The following IQCJ variants were observed in gnomAD, a reference collection of about 807,000 sequenced individuals.
IQCJ encodes the protein IQ domain-containing protein J.
Under a neutral mutation model 11.0 loss-of-function variants are expected in IQCJ, and 9 were observed. The observed-to-expected ratio is 0.82, with a 90% CI of 0.49 to 1.43. The LOEUF is 1.43. Ranked by LOEUF, IQCJ falls within the 40% of genes most tolerant of loss-of-function variation. IQCJ has a pLI of 0.00. For missense variants in IQCJ, 146 were observed against 133.2 expected, an observed-to-expected ratio of 1.10 and a Z score of -0.47; for synonymous variants, 55 against 51.3, an observed-to-expected ratio of 1.07 and a Z score of -0.31.
chr3:159,072,526 A>G (rs1011791388), intron 1 of IQCJ, among the ~76,000 whole-genome samples: 1 of 152,138 alleles, frequency 6.6e-6, no homozygotes, highest in Non-Finnish European at 1.5e-5. Context: ...CAAAATTAAT[A>G]TTCACTAACC....
intron 1 of IQCJ, among the ~76,000 whole-genome samples, chr3:159,202,065 G>T (rs58290749): frequency 0.15 from 23,511 of 152,048 alleles, 2,096 homozygotes; most frequent in Admixed American, 0.21. Context: ...ACTTCTTATT[G>T]GTTGAGTCCA....
chr3:159,132,927 T>TCTTTCTTTG (rs1264902624), intron 1 of IQCJ, among the ~76,000 whole-genome samples: 1 of 122,954 alleles, frequency 8.1e-6, no homozygotes, highest in Non-Finnish European at 1.9e-5. Context: ...TTGCTTGCTT[T>TCTTTCTTTG]CTTTCTTTGC....
chr3:159,262,746 G>T lies in IQCJ; in HGVS notation c.*15G>T, dbSNP rs376824973. The T allele has an allele frequency of 8.1e-6, 13 of 1,606,536 alleles. No individual in the cohort carries two copies. The highest frequency in any genetic ancestry group is 1.7e-4 in the Middle Eastern group (1 of 6,060). ...CATTCAACTGAAAGCCTAGACTTTG[G>T]TTCTAAGAGAGAAATCTTGGGATGT... is the stretch of plus-strand genomic sequence containing the variant. On this transcript the variant is annotated 3_prime_UTR_variant, in exon 4 of 4. Transcript: ENST00000397832.
At chr3:159,224,723 T>C (rs572463956) in intron 1 of IQCJ, among the ~76,000 whole-genome samples, 13 of 143,602 alleles carry the variant, frequency 9.1e-5, no homozygotes, top group Admixed American at 4.8e-4. Flanking sequence ...CTTGTTGAAC[T>C]TCACCATGAG....
chr3:159,186,847 A>C (rs1242382484), intron 1 of IQCJ, among the ~76,000 whole-genome samples: 1 of 152,230 alleles, frequency 6.6e-6, no homozygotes, highest in Non-Finnish European at 1.5e-5. Context: ...TGGTGAGAGA[A>C]AACGGGATGT....
intron 1 of IQCJ, among the ~76,000 whole-genome samples, chr3:159,228,608 G>C (rs938730814): frequency 6.6e-6 from 1 of 151,976 alleles, no homozygotes; most frequent in African/African-American, 2.4e-5. Flanking sequence ...GGCTAAAAAC[G>C]GTGAAACCTC....
At position 159,263,131 on chromosome 3, in the gene IQCJ, A is replaced by G. The variant is rs1049266596; in HGVS notation, c.*400A>G. The G allele has an allele frequency of 2.0e-5, 19 of 934,194 alleles. No individual in the cohort carries two copies. Among genetic ancestry groups the G allele is most frequent in the Non-Finnish European group, 2.4e-5 (19 of 781,816 alleles). 57.9% of individuals were successfully genotyped at this position (934,194 alleles called of 1,614,324 possible). ...TGCAACTTAAATGTCTCCAGGGGCC[A>G]GGTAAGTCACCCTCATGACTGAGGT... is the stretch of plus-strand genomic sequence containing the variant. On this transcript the variant is annotated 3_prime_UTR_variant, in exon 4 of 4. Coordinates refer to ENST00000397832, the MANE Select transcript of IQCJ (RefSeq NM_001042706.3).
intron 1 of IQCJ, among the ~76,000 whole-genome samples, chr3:159,141,710 ATAAG>A (rs1178880479): frequency 6.6e-6 from 1 of 152,204 alleles, no homozygotes; most frequent in Non-Finnish European, 1.5e-5. Flanking sequence ...TATGATTTTG[ATAAG>A]TAAGTTACTT....
chr3:159,218,381 A>G (rs1166507136), intron 1 of IQCJ, among the ~76,000 whole-genome samples: 1 of 150,960 alleles, frequency 6.6e-6, no homozygotes, highest in Admixed American at 6.6e-5. Flanking sequence ...ATAAGAGAAA[A>G]AGAAACATAT....
chr3:159,248,926 G>A (rs1000365631), intron 2 of IQCJ, among the ~76,000 whole-genome samples: 1 of 150,870 alleles, frequency 6.6e-6, no homozygotes, highest in Non-Finnish European at 1.5e-5. Flanking sequence ...GTGTGATCTT[G>A]GCTCACTGCA....
intron 1 of IQCJ, among the ~76,000 whole-genome samples, chr3:159,168,187 C>G (rs1722284333): frequency 6.6e-6 from 1 of 152,194 alleles, no homozygotes; most frequent in African/African-American, 2.4e-5. Flanking sequence ...GGGATCCGGC[C>G]TTTACCAGTC....
At chr3:159,183,707 T>G (rs1028799638) in intron 1 of IQCJ, among the ~76,000 whole-genome samples, 2 of 152,188 alleles carry the variant, frequency 1.3e-5, no homozygotes, top group Non-Finnish European at 2.9e-5. Flanking sequence ...GCTTCTTCCA[T>G]CTTTTTATAC....
Position 159,116,640 on chromosome 3 carries a change from A to ATC in IQCJ, c.9+47200_9+47201insCT, listed in dbSNP as rs1340084510. On this transcript the variant is annotated intron_variant, in intron 1 of 3. Transcript: ENST00000397832. ...TATATATATATATATATATATATAT[A>ATC]TATATATATATATATATATATATAT... Among the ~76,000 whole-genome samples the ATC allele has an allele frequency of 4.4e-3, 148 of 33,784 alleles. 3 individuals carry two copies. The highest frequency in any genetic ancestry group is 7.2e-3 in the Non-Finnish European group (129 of 17,936). The allele number at this position is 33,784 out of a possible 152,430, so 22.2% of individuals were successfully genotyped here. A position where few individuals can be genotyped will look rare whatever the true frequency, so the allele number is the denominator to read the frequency against.
chr3:159,132,811 T>C (rs1720066125), intron 1 of IQCJ, among the ~76,000 whole-genome samples: 1 of 152,212 alleles, frequency 6.6e-6, no homozygotes, highest in Non-Finnish European at 1.5e-5. Context: ...ACCATTTCCA[T>C]TGACTGTTTT....
intron 1 of IQCJ, among the ~76,000 whole-genome samples, chr3:159,165,618 T>TC (rs1220402823): frequency 6.7e-6 from 1 of 148,514 alleles, no homozygotes; most frequent in Non-Finnish European, 1.5e-5. Context: ...TGTTAAAGCT[T>TC]CTTTTTTTTT....
chr3:159,228,797 C>T (rs1289557083), intron 1 of IQCJ, among the ~76,000 whole-genome samples: 1 of 78,030 alleles, frequency 1.3e-5, no homozygotes, highest in Non-Finnish European at 2.8e-5. Flanking sequence ...AGCGAGACTC[C>T]GTCTCAAAAA....
At position 159,104,795 on chromosome 3, in the gene IQCJ, A is replaced by G. The variant is rs142505120; in HGVS notation, c.9+35354A>G. 1.7e-3 allele frequency among the ~76,000 whole-genome samples: 257 copies of G among 152,364 alleles called. 1 individual carries two copies. Among genetic ancestry groups the G allele is most frequent in the African/African-American group, 5.7e-3 (239 of 41,594 alleles). On this transcript the variant is annotated intron_variant, in intron 1 of 3. Coordinates refer to ENST00000397832, the MANE Select transcript of IQCJ (RefSeq NM_001042706.3). ...TTAGATTTCTCTTTAAATGTAATTTAATTCAGGAAACCTTTTCTGATCTTC... is the reference window on the plus strand; with the variant it reads ...TTAGATTTCTCTTTAAATGTAATTTGATTCAGGAAACCTTTTCTGATCTTC...
At chr3:159,110,952 A>C (rs1278693569) in intron 1 of IQCJ, among the ~76,000 whole-genome samples, 4 of 152,238 alleles carry the variant, frequency 2.6e-5, no homozygotes, top group Non-Finnish European at 5.9e-5. Flanking sequence ...AGACGAAAAG[A>C]AAATGACCTG....
intron 1 of IQCJ, among the ~76,000 whole-genome samples, chr3:159,111,986 T>C (rs1211770332): frequency 6.6e-6 from 1 of 152,190 alleles, no homozygotes; most frequent in Non-Finnish European, 1.5e-5. Flanking sequence ...GCTAATCATA[T>C]AACCAGTCCA....
Sources: allele counts gnomAD v4.1 joint callset (sites outside exome capture counted in the v4.1 genomes callset), GRCh38; gene constraint gnomAD v4.1.1; transcripts MANE v1.5; gene names NCBI Gene and HGNC (gene_info 2026-07-23, HGNC 2026-07-21).